The following GRIK4 variants were observed in gnomAD, a reference collection of about 807,000 sequenced individuals.
GRIK4 encodes the protein glutamate ionotropic receptor kainate type subunit 4.
GRIK4 carries 40 observed loss-of-function variants against 104.9 expected under a neutral mutation model. The observed-to-expected ratio is 0.38, with a 90% CI of 0.30 to 0.50. GRIK4 has a LOEUF of 0.50. Among genes scored for constraint, GRIK4 ranks in the 20% least tolerant of loss-of-function variants. The pLI is 0.93. For missense variants in GRIK4, 1,047 were observed against 1,308.1 expected, an observed-to-expected ratio of 0.80 and a Z score of 3.08; for synonymous variants, 485 against 524.9, an observed-to-expected ratio of 0.92 and a Z score of 1.04.
chr11:120,719,634 C>T (rs1206806983), intron 3 of GRIK4, among the ~76,000 whole-genome samples: 2 of 152,214 alleles, frequency 1.3e-5, no homozygotes, highest in African/African-American at 2.4e-5. Flanking sequence ...ACCCTTCCCC[C>T]TTTCCTTCAG....
At chr11:120,704,749 T>G (rs1183604268) in intron 3 of GRIK4, among the ~76,000 whole-genome samples, 1 of 151,814 alleles carries the variant, frequency 6.6e-6, no homozygotes. Context: ...TTTTTTTTTT[T>G]GTAAAGGACC....
In GRIK4 at chr11:120,831,993, A is replaced by G; in HGVS notation, c.653A>G (p.His218Arg). 1 of 1,613,386 alleles carries G rather than the reference A, an allele frequency of 6.2e-7. No individual in the cohort carries two copies. Residue 218 changes from histidine to arginine, a missense_variant, in exon 7 of 21, where the codon CAC becomes CGC. His to Arg is a conservative substitution (Grantham distance 29). Transcript: ENST00000527524. ...GACAAGACCGCCACCATCATCATCC[A>G]CGCCAACGCCTCCATGTCCCACACC... ...RDDKTATIII[H>R]ANASMSHTIL...
intron 18 of GRIK4, among the ~76,000 whole-genome samples, chr11:120,963,535 G>C (rs1944329119): frequency 6.6e-6 from 1 of 152,220 alleles, no homozygotes; most frequent in African/African-American, 2.4e-5. Flanking sequence ...GTAGAGGGTT[G>C]TGCTGGTATG....
intron 2 of GRIK4, among the ~76,000 whole-genome samples, chr11:120,655,361 G>A (rs987704355): frequency 2.0e-5 from 3 of 152,050 alleles, no homozygotes; most frequent in African/African-American, 7.2e-5. Flanking sequence ...GTAGAGGAGT[G>A]GGGCTTTGGC....
intron 3 of GRIK4, among the ~76,000 whole-genome samples, chr11:120,708,494 C>T (rs1950666944): frequency 6.6e-6 from 1 of 151,978 alleles, no homozygotes. Context: ...GTGTGGGGCT[C>T]GGAGGTGCTA....
At chr11:120,850,218 G>A (rs1251480217) in intron 8 of GRIK4, among the ~76,000 whole-genome samples, 1 of 152,064 alleles carries the variant, frequency 6.6e-6, no homozygotes, top group African/African-American at 2.4e-5. Flanking sequence ...AGGCTCATCT[G>A]GATAATCTCC....
intron 1 of GRIK4, among the ~76,000 whole-genome samples, chr11:120,615,008 C>T (rs979041413): frequency 7.3e-5 from 11 of 151,698 alleles, no homozygotes; most frequent in African/African-American, 2.7e-4. Context: ...CAAAACAAAA[C>T]AAAACAAAAA....
At chr11:120,855,813 T>G (rs972729341) in intron 8 of GRIK4, among the ~76,000 whole-genome samples, 2 of 152,254 alleles carry the variant, frequency 1.3e-5, no homozygotes, top group African/African-American at 2.4e-5. Flanking sequence ...TGCCCCGGCC[T>G]TGGCCTCGCA....
rs1336014246 is a variant in GRIK4, at chr11:120,555,001, CCA to C, written c.-159+43119_-159+43120del. Among the ~76,000 whole-genome samples, 1 of 152,184 alleles carries C rather than the reference CCA, an allele frequency of 6.6e-6. No homozygotes were observed. Among genetic ancestry groups the C allele is most frequent in the Non-Finnish European group, 1.5e-5 (1 of 68,032 alleles). On this transcript the variant is annotated intron_variant, in intron 1 of 20. Coordinates refer to ENST00000527524, the MANE Select transcript of GRIK4 (RefSeq NM_014619.5). This position sits in a 1 kb window ranked among gnomAD's most constrained non-coding sequence, Gnocchi z 5.3. Reference sequence around the variant, plus strand: ...GCAGAGGGAGACCGCAACCACACTCCCACACAGGCATCCCGTAAAGGTAGTCC... The same window carrying C: ...GCAGAGGGAGACCGCAACCACACTCCCACAGGCATCCCGTAAAGGTAGTCC...
intron 13 of GRIK4, among the ~76,000 whole-genome samples, chr11:120,933,567 G>A (rs1019210850): frequency 2.0e-5 from 3 of 152,212 alleles, no homozygotes; most frequent in Admixed American, 6.5e-5. Flanking sequence ...GTGAGTGCGA[G>A]TCCAGGTAGT....
At chr11:120,536,204 G>A (rs1426198251) in intron 1 of GRIK4, among the ~76,000 whole-genome samples, 2 of 152,234 alleles carry the variant, frequency 1.3e-5, no homozygotes, top group African/African-American at 4.8e-5. Context: ...CTATTTTCCT[G>A]CAACAATTCG....
chr11:120,926,530 G>A (rs1460606517), intron 13 of GRIK4, among the ~76,000 whole-genome samples: 3 of 152,174 alleles, frequency 2.0e-5, no homozygotes, highest in Non-Finnish European at 4.4e-5. Context: ...GTACAAAGAG[G>A]TTAAGTAACT....
intron 3 of GRIK4, among the ~76,000 whole-genome samples, chr11:120,787,359 G>A (rs1952301425): frequency 6.6e-6 from 1 of 151,854 alleles, no homozygotes; most frequent in African/African-American, 2.4e-5. Flanking sequence ...AAAACATAGT[G>A]TTTGTGAAAT....
chr11:120,539,157 A>G (rs12275776), intron 1 of GRIK4, among the ~76,000 whole-genome samples: 1 of 152,212 alleles, frequency 6.6e-6, no homozygotes, highest in African/African-American at 2.4e-5. Context: ...CAAAGGGACC[A>G]GCTTGCTCCC....
intron 3 of GRIK4, among the ~76,000 whole-genome samples, chr11:120,785,407 A>T (rs1952246539): frequency 6.6e-6 from 1 of 152,214 alleles, no homozygotes; most frequent in Non-Finnish European, 1.5e-5. Context: ...CTGTTTAAGG[A>T]GGCTAACTGG....
At chr11:120,671,786 C>T (rs1267783078) in intron 3 of GRIK4, among the ~76,000 whole-genome samples, 1 of 152,170 alleles carries the variant, frequency 6.6e-6, no homozygotes, top group African/African-American at 2.4e-5. Flanking sequence ...GTGTTTTAGT[C>T]ATGAAGTCTT....
chr11:120,631,560 C>G (rs973746830), intron 1 of GRIK4, among the ~76,000 whole-genome samples: 2 of 152,080 alleles, frequency 1.3e-5, no homozygotes, highest in Non-Finnish European at 2.9e-5. Context: ...CCCTCTGCCC[C>G]CAGGACAGTA....
intron 1 of GRIK4, among the ~76,000 whole-genome samples, chr11:120,532,740 C>G (rs907664746): frequency 2.0e-5 from 3 of 152,200 alleles, no homozygotes; most frequent in Non-Finnish European, 4.4e-5. Flanking sequence ...TGATTCATCC[C>G]TCAACCAGAG....
chr11:120,669,077 C>G (rs1484444391), intron 3 of GRIK4, among the ~76,000 whole-genome samples: 1 of 152,142 alleles, frequency 6.6e-6, no homozygotes, highest in Non-Finnish European at 1.5e-5. Flanking sequence ...TCTTTTAAAC[C>G]CTGCTTTAAA....
Sources: allele counts gnomAD v4.1 joint callset (sites outside exome capture counted in the v4.1 genomes callset), GRCh38; gene constraint gnomAD v4.1.1; non-coding constraint Gnocchi (gnomAD v3.1); transcripts MANE v1.5; gene names NCBI Gene and HGNC (gene_info 2026-07-23, HGNC 2026-07-21).